TRIP12: variants seen among roughly 807,000 people sequenced by gnomAD.
The protein encoded by TRIP12 is E3 ubiquitin-protein ligase TRIP12.
Under a neutral mutation model 244.2 loss-of-function variants are expected in TRIP12, and 25 were observed. The ratio of observed to expected loss-of-function variants is 0.10; its 90% CI spans 0.07 to 0.14. TRIP12 has a LOEUF of 0.14. Among genes scored for constraint, TRIP12 ranks in the 10% least tolerant of loss-of-function variants. TRIP12 has a pLI of 1.00. For synonymous variants in TRIP12, 905 were observed against 873.1 expected, an observed-to-expected ratio of 1.04 and a Z score of -0.64; for missense variants, 1,677 against 2,486.4, an observed-to-expected ratio of 0.67 and a Z score of 6.92.
chr2:229,812,317 G>A (rs1009280994), intron 13 of TRIP12, among the ~76,000 whole-genome samples: 1 of 152,108 alleles, frequency 6.6e-6, no homozygotes, highest in Non-Finnish European at 1.5e-5. Context: ...TTGACCTCAG[G>A]TGATCCACCT....
chr2:229,875,224 G>A (rs1182469026), intron 2 of TRIP12, among the ~76,000 whole-genome samples: 1 of 151,986 alleles, frequency 6.6e-6, no homozygotes, highest in Non-Finnish European at 1.5e-5. Context: ...GGAGAGCAGA[G>A]GTAAAATTAA....
intron 9 of TRIP12, among the ~76,000 whole-genome samples, chr2:229,816,063 A>G (rs747416330): frequency 2.6e-5 from 4 of 152,188 alleles, no homozygotes; most frequent in Non-Finnish European, 4.4e-5. Context: ...TGGGGATAAG[A>G]CAGTCATTCA....
chr2:229,787,471 T>C (rs1441856509), intron 33 of TRIP12, 34 bp downstream of exon 33: 1 of 1,586,858 alleles, frequency 6.3e-7, no homozygotes, highest in Admixed American at 1.9e-5. Flanking sequence ...TTTGAAAAGC[T>C]CAGATTATTT....
chr2:229,873,709 T>TA (rs1294157489), intron 2 of TRIP12, among the ~76,000 whole-genome samples: 1 of 152,094 alleles, frequency 6.6e-6, no homozygotes, highest in Non-Finnish European at 1.5e-5. Context: ...ATATAACTAA[T>TA]GGGGGTTTAA....
intron 1 of TRIP12, among the ~76,000 whole-genome samples, chr2:229,887,941 T>C (rs1469707110): frequency 1.3e-5 from 2 of 152,204 alleles, no homozygotes; most frequent in African/African-American, 2.4e-5. Context: ...ACCCCAAAGA[T>C]TGCAGTTTGT....
chr2:229,777,666 G>T (rs1418301444), intron 36 of TRIP12, among the ~76,000 whole-genome samples, 187 bp from the exon 37 acceptor site: 1 of 152,130 alleles, frequency 6.6e-6, no homozygotes, highest in Non-Finnish European at 1.5e-5. Context: ...GGCTCTAAAT[G>T]CATTTCCACT....
intron 20 of TRIP12, among the ~76,000 whole-genome samples, 165 bp downstream of exon 20, chr2:229,803,406 G>A (rs1242383684): frequency 2.6e-5 from 4 of 152,180 alleles, no homozygotes; most frequent in Admixed American, 6.5e-5. Flanking sequence ...GAGCCACCAC[G>A]CCCAGCCTAA....
At chr2:229,792,102 G>A in intron 28 of TRIP12, 37 bp from the exon 29 acceptor site, 1 of 1,613,922 alleles carries the variant, frequency 6.2e-7, no homozygotes, top group Non-Finnish European at 8.5e-7. Context: ...TAAGCCAAAG[G>A]CCCTGAACTT....
At chr2:229,858,594 A>C (rs1016629448) in intron 4 of TRIP12, among the ~76,000 whole-genome samples, 178 bp downstream of exon 4, 1 of 152,210 alleles carries the variant, frequency 6.6e-6, no homozygotes, top group Non-Finnish European at 1.5e-5. Flanking sequence ...TGTCTCAACA[A>C]AACTAAATGT....
intron 8 of TRIP12, among the ~76,000 whole-genome samples, chr2:229,828,318 A>G (rs1156980091): frequency 6.7e-6 from 1 of 150,178 alleles, no homozygotes; most frequent in Non-Finnish European, 1.5e-5. Context: ...CAATACCCTT[A>G]GGGACCCCCT....
At chr2:229,878,026 G>T (rs143013518) in intron 2 of TRIP12, among the ~76,000 whole-genome samples, 184 of 152,296 alleles carry the variant, frequency 1.2e-3, no homozygotes, top group Non-Finnish European at 2.2e-3. Context: ...AGTGATAAGA[G>T]CTTAACATGC....
chr2:229,780,863 T>C lies in TRIP12; in HGVS notation c.5095-1873A>G, dbSNP rs747852340. 1.6e-4 allele frequency among the ~76,000 whole-genome samples: 24 copies of C among 152,294 alleles called. 1 individual carries two copies. Among genetic ancestry groups the C allele is most frequent in the Non-Finnish European group, 2.8e-4 (19 of 68,022 alleles). ...CCATCATGGGGGTGGGAGTACTTTG[T>C]ATATTCTGTTCTGCACTGAATCCCA... On this transcript the variant is annotated intron_variant, in intron 34 of 41. Coordinates refer to ENST00000675903, the MANE Select transcript of TRIP12 (RefSeq NM_001348323.3).
chr2:229,789,389 T>C (rs191697234), intron 31 of TRIP12, among the ~76,000 whole-genome samples: 3 of 152,366 alleles, frequency 2.0e-5, no homozygotes, highest in East Asian at 1.9e-4. Flanking sequence ...ATTTCATAAA[T>C]TTATTCCTAG....
chr2:229,812,975 A>G (rs1485195801), intron 13 of TRIP12, among the ~76,000 whole-genome samples: 1 of 152,226 alleles, frequency 6.6e-6, no homozygotes, highest in Admixed American at 6.5e-5. Context: ...GTAGCTAAAA[A>G]AAAATTCAAT....
At chr2:229,810,252 C>T (rs968912573) in intron 15 of TRIP12, among the ~76,000 whole-genome samples, 3 of 152,156 alleles carry the variant, frequency 2.0e-5, no homozygotes, top group African/African-American at 7.2e-5. Flanking sequence ...TGATGCCCCA[C>T]CATTCTCTGA....
intron 15 of TRIP12, 136 bp downstream of exon 15, chr2:229,810,744 A>G (rs954967753): frequency 2.4e-6 from 2 of 825,228 alleles, no homozygotes; most frequent in Non-Finnish European, 3.7e-6. Flanking sequence ...AATTTATTAC[A>G]TATTAACACT....
At position 229,859,566 on chromosome 2, in the gene TRIP12, C is replaced by T; in HGVS notation, c.233G>A (p.Ser78Asn). The change falls in exon 4 of 42, where the codon AGT (serine) becomes AAT (asparagine). Residue 78 changes from serine to asparagine, a missense_variant. Physicochemically the swap from Ser to Asn is conservative, Grantham distance 46. Around this residue, in one of 11 missense-constraint regions of TRIP12, gnomAD observed 387 missense variants for 392.6 expected, o/e 0.99. Transcript: ENST00000675903. Reference protein sequence around the residue: ...SRGHLSKRSCSSSSAVIVPQP... With the variant: ...SRGHLSKRSCNSSSAVIVPQP... ...TGGAACTATCACAGCAGATGATGAACTGCAGCTTCTAAGAGGTTAGATAAG... is the reference window on the plus strand; with the variant it reads ...TGGAACTATCACAGCAGATGATGAATTGCAGCTTCTAAGAGGTTAGATAAG... The T allele has an allele frequency of 1.9e-6, 3 of 1,611,556 alleles. No individual in the cohort carries two copies. The highest frequency in any genetic ancestry group is 2.5e-6 in the Non-Finnish European group (3 of 1,178,610).
Position 229,804,170 on chromosome 2 carries a change from G to A in TRIP12, c.2708C>T (p.Pro903Leu), listed in dbSNP as rs749533561. The change falls in exon 19 of 42, where the codon CCG (proline) becomes CTG (leucine). Residue 903 changes from proline (P) to leucine (L), a missense_variant. Around this residue, in one of 11 missense-constraint regions of TRIP12, gnomAD observed 572 missense variants for 867.8 expected, o/e 0.66. Coordinates refer to ENST00000675903, the MANE Select transcript of TRIP12 (RefSeq NM_001348323.3). ...CTTAATAAAAGACTTAGCCAGTTCC[G>A]GATCCTCTTTCATAAGCTGTGCTCG... ...DARAQLMKED[P>L]ELAKSFIKTL... is the part of the protein sequence containing the mutation. The A allele has an allele frequency of 5.0e-6, 8 of 1,613,874 alleles. No individual in the cohort carries two copies. Among genetic ancestry groups the A allele is most frequent in the East Asian group, 4.5e-5 (2 of 44,858 alleles).
At chr2:229,879,949 C>G in intron 2 of TRIP12, 33 bp downstream of exon 2, 1 of 1,609,188 alleles carries the variant, frequency 6.2e-7, no homozygotes, top group Non-Finnish European at 8.5e-7. Context: ...CTTTTATTCC[C>G]AATTCCTTTT....
Sources: allele counts gnomAD v4.1 joint callset (sites outside exome capture counted in the v4.1 genomes callset), GRCh38; gene constraint gnomAD v4.1.1; regional missense constraint gnomAD v4.1.1; transcripts MANE v1.5; gene names NCBI Gene and HGNC (gene_info 2026-07-23, HGNC 2026-07-21).